Variants in FHOD3 observed in about 807,000 individuals in gnomAD.
FHOD3 encodes the protein FH1/FH2 domain-containing protein 3.
Under a neutral mutation model 173.0 loss-of-function variants are expected in FHOD3, and 90 were observed. That is an observed-to-expected ratio of 0.52 (90% confidence interval 0.44 to 0.62). The LOEUF is 0.62. Among genes scored for constraint, FHOD3 ranks in the 20% least tolerant of loss-of-function variants. The pLI is 0.00. For missense variants in FHOD3, 1,945 were observed against 2,034.7 expected (o/e 0.96, Z 0.85); for synonymous variants, 828 against 823.0 (o/e 1.01, Z -0.10).
intron 3 of FHOD3, among the ~76,000 whole-genome samples, chr18:36,479,098 G>A (rs531139496): frequency 1.3e-5 from 2 of 152,314 alleles, no homozygotes; most frequent in Admixed American, 1.3e-4. Flanking sequence ...AGTGGCCATT[G>A]CTGTGTGTCT....
chr18:36,555,553 G>T (rs1356511583), intron 5 of FHOD3, among the ~76,000 whole-genome samples: 1 of 152,072 alleles, frequency 6.6e-6, no homozygotes, highest in Non-Finnish European at 1.5e-5. Context: ...GAAGTTGATG[G>T]ATAGCTTTGT....
intron 3 of FHOD3, among the ~76,000 whole-genome samples, chr18:36,415,021 G>A (rs1411339896): frequency 6.6e-6 from 1 of 152,154 alleles, no homozygotes; most frequent in Non-Finnish European, 1.5e-5. Flanking sequence ...GTGAGTTTGG[G>A]AACTGGGGAG....
chr18:36,583,643 C>T (rs1376118537), intron 6 of FHOD3, among the ~76,000 whole-genome samples: 2 of 152,106 alleles, frequency 1.3e-5, no homozygotes, highest in African/African-American at 4.8e-5. Flanking sequence ...TTCTTAGGTC[C>T]CAGCCCTGCC....
chr18:36,541,418 A>C (rs938218728), intron 5 of FHOD3, among the ~76,000 whole-genome samples: 10 of 152,034 alleles, frequency 6.6e-5, no homozygotes, highest in Admixed American at 6.6e-4. Flanking sequence ...GTCTCTACAA[A>C]AAATAAAACA....
At chr18:36,350,555 C>T (rs1042666945) in intron 1 of FHOD3, among the ~76,000 whole-genome samples, 3 of 152,142 alleles carry the variant, frequency 2.0e-5, no homozygotes, top group Admixed American at 1.3e-4. Context: ...GCCAGGGGAT[C>T]AGGGTTGATA....
chr18:36,349,954 T>C (rs2145659309), intron 1 of FHOD3, among the ~76,000 whole-genome samples: 1 of 152,282 alleles, frequency 6.6e-6, no homozygotes. Context: ...TTTGTTTGTT[T>C]TTTGGTGGAG....
chr18:36,315,420 T>C (rs1404928546), intron 1 of FHOD3, among the ~76,000 whole-genome samples: 1 of 152,066 alleles, frequency 6.6e-6, no homozygotes, highest in Non-Finnish European at 1.5e-5. Flanking sequence ...GTCTTTCCCC[T>C]CTGATATGAC....
chr18:36,739,348 C>T (rs1378122160), intron 20 of FHOD3, among the ~76,000 whole-genome samples: 1 of 152,198 alleles, frequency 6.6e-6, no homozygotes, highest in Non-Finnish European at 1.5e-5. Context: ...TAGGAGTTAG[C>T]CCAGCTCCAG....
chr18:36,462,774 G>A (rs186457230), intron 3 of FHOD3, among the ~76,000 whole-genome samples: 1 of 152,296 alleles, frequency 6.6e-6, no homozygotes, highest in Admixed American at 6.5e-5. Context: ...ACTCGTGTGT[G>A]CCACTATTTG....
At chr18:36,763,505 GTGTATTATA>G (rs1398193471) in intron 27 of FHOD3, among the ~76,000 whole-genome samples, 35 of 133,692 alleles carry the variant, frequency 2.6e-4, no homozygotes, top group African/African-American at 8.7e-4. Flanking sequence ...TATATAATAT[GTGTATTATA>G]CACGTTATAT....
At chr18:36,664,403 T>C (rs1166384966) in intron 14 of FHOD3, among the ~76,000 whole-genome samples, 1 of 152,156 alleles carries the variant, frequency 6.6e-6, no homozygotes, top group African/African-American at 2.4e-5. Flanking sequence ...CTGACAGCAG[T>C]CTTGTTACAA....
chr18:36,583,283 A>G (rs2058918745), intron 6 of FHOD3, among the ~76,000 whole-genome samples: 1 of 152,192 alleles, frequency 6.6e-6, no homozygotes, highest in South Asian at 2.1e-4. Context: ...AGTCAGTGCC[A>G]GAGCTTTGGG....
At chr18:36,555,138 T>C (rs1568421390) in intron 5 of FHOD3, among the ~76,000 whole-genome samples, 1 of 152,184 alleles carries the variant, frequency 6.6e-6, no homozygotes, top group Non-Finnish European at 1.5e-5. Flanking sequence ...GCTGCGTTCA[T>C]TGATTTGAGA....
At chr18:36,468,561 G>A (rs183392691) in intron 3 of FHOD3, among the ~76,000 whole-genome samples, 16 of 152,300 alleles carry the variant, frequency 1.1e-4, no homozygotes, top group Non-Finnish European at 1.6e-4. Flanking sequence ...AAGGGAAGGT[G>A]AGTGCCAGCC....
intron 3 of FHOD3, among the ~76,000 whole-genome samples, chr18:36,434,002 C>T (rs1192046917): frequency 2.0e-5 from 3 of 152,114 alleles, no homozygotes; most frequent in Non-Finnish European, 2.9e-5. Flanking sequence ...CACTCTAGGC[C>T]CTCTCCGCTC....
rs570198838 is a variant in FHOD3, at chr18:36,729,517, G to A, written c.3418-1129G>A. Among the ~76,000 whole-genome samples the A allele has an allele frequency of 4.6e-5, 7 of 152,316 alleles. No individual in the cohort carries two copies. In the South Asian group the frequency reaches 1.5e-3, roughly 32 times the overall value. The stretch of plus-strand genomic sequence containing the variant: ...GAAATTTATTTCTCACAGTTCTGGA[G>A]GCTGGGAACTCCAGATCAAGGTACT... On this transcript the variant is annotated intron_variant, in intron 19 of 28. Coordinates refer to ENST00000590592, the MANE Select transcript of FHOD3 (RefSeq NM_001281740.3).
At chr18:36,389,849 G>C (rs1340215609) in intron 3 of FHOD3, among the ~76,000 whole-genome samples, 1 of 152,146 alleles carries the variant, frequency 6.6e-6, no homozygotes, top group African/African-American at 2.4e-5. Flanking sequence ...GAGTAGGGCA[G>C]GCTCAGCCCT....
intron 2 of FHOD3, among the ~76,000 whole-genome samples, chr18:36,356,607 G>A (rs1017659430): frequency 6.6e-6 from 1 of 151,710 alleles, no homozygotes; most frequent in African/African-American, 2.4e-5. Flanking sequence ...CTACAGACAT[G>A]TGCCACTGTG....
At chr18:36,523,505 A>G (rs879560938) in intron 5 of FHOD3, among the ~76,000 whole-genome samples, 5 of 152,232 alleles carry the variant, frequency 3.3e-5, no homozygotes, top group Admixed American at 6.5e-5. Context: ...ACAGCTGATT[A>G]GGGAAGTCTG....
Sources: allele counts gnomAD v4.1 joint callset (sites outside exome capture counted in the v4.1 genomes callset), GRCh38; gene constraint gnomAD v4.1.1; transcripts MANE v1.5; gene names NCBI Gene and HGNC (gene_info 2026-07-23, HGNC 2026-07-21).